SNF8: variants seen among roughly 807,000 people sequenced by gnomAD.
The protein encoded by SNF8 is vacuolar-sorting protein SNF8.
A neutral mutation model predicts 36.8 loss-of-function variants in SNF8; 19 were observed. That is an observed-to-expected ratio of 0.52 (90% CI 0.36 to 0.76). The LOEUF is 0.76. Among genes scored for constraint, SNF8 ranks in the 30% least tolerant of loss-of-function variants. The probability of loss-of-function intolerance (pLI) is 0.00; values close to 1 mark genes in which losing one functional copy is unlikely to be tolerated. For synonymous variants in SNF8, 127 were observed against 127.4 expected, an observed-to-expected ratio of 1.00 and a Z score of 0.02; for missense variants, 268 against 322.9, an observed-to-expected ratio of 0.83 and a Z score of 1.30.
At chr17:48,941,378 A>G (rs1388894407) in intron 2 of SNF8, among the ~76,000 whole-genome samples, 2 of 152,194 alleles carry the variant, frequency 1.3e-5, no homozygotes, top group African/African-American at 4.8e-5. Context: ...AAAAAAGAAA[A>G]AGGTATATAT....
At position 48,930,036 on chromosome 17, in the gene SNF8, A is replaced by G. The variant is rs1026296781; in HGVS notation, c.*439T>C. ...CTCTGTCATAACCTAGAGCCTCTAC[A>G]GAGGAAGCCAGAAGAGACTGAAAGT... On this transcript the variant is annotated 3_prime_UTR_variant, in exon 8 of 8. Transcript: ENST00000502492. The G allele has an allele frequency of 1.3e-5, 2 of 152,646 alleles. No individual in the cohort carries two copies. Among genetic ancestry groups the G allele is most frequent in the African/African-American group, 4.8e-5 (2 of 41,474 alleles). The allele number at this position is 152,646 out of a possible 1,614,324, so 9.5% of individuals were successfully genotyped here.
intron 3 of SNF8, among the ~76,000 whole-genome samples, chr17:48,939,814 T>C (rs62075852): frequency 0.41 from 62,453 of 151,730 alleles, 15,391 homozygotes; most frequent in East Asian, 0.71. Context: ...GTGGCTCACA[T>C]CTATAATCCC....
chr17:48,943,910 C>T lies in SNF8; in HGVS notation c.105+15G>A. ...TAGGTCTCCCTCCCTGCCTGGGGCC[C>T]CCCAACCGACTTACCTGGGCTAGCT... On this transcript the variant is annotated intron_variant, in intron 2 of 7. Transcript: ENST00000502492. 6.2e-7 allele frequency: 1 copy of T among 1,613,838 alleles called. No homozygotes were observed. The highest frequency in any genetic ancestry group is 8.5e-7 in the Non-Finnish European group (1 of 1,179,724).
chr17:48,940,831 G>A (rs934531877), intron 3 of SNF8, 93 bp downstream of exon 3: 7 of 1,437,306 alleles, frequency 4.9e-6, no homozygotes, highest in Non-Finnish European at 4.8e-6. Context: ...GGCCTTTCTA[G>A]TGGATGCCCC....
chr17:48,942,736 T>C (rs2041047569), intron 2 of SNF8, among the ~76,000 whole-genome samples: 1 of 151,902 alleles, frequency 6.6e-6, no homozygotes, highest in African/African-American at 2.4e-5. Flanking sequence ...CTCTACCACT[T>C]ACTACCCATA....
intron 6 of SNF8, 106 bp downstream of exon 6, chr17:48,933,099 T>C: frequency 8.0e-7 from 1 of 1,253,484 alleles, no homozygotes; most frequent in Non-Finnish European, 1.1e-6. Context: ...CACTGGATAG[T>C]CTCAGCAAAA....
At chr17:48,936,888 G>A in intron 4 of SNF8, 132 bp downstream of exon 4, 1 of 718,120 alleles carries the variant, frequency 1.4e-6, no homozygotes. Flanking sequence ...GGATTCAACT[G>A]CATGAAACAG....
chr17:48,942,391 T>C (rs1446207791), intron 2 of SNF8, among the ~76,000 whole-genome samples: 1 of 151,944 alleles, frequency 6.6e-6, no homozygotes, highest in East Asian at 1.9e-4. Context: ...TTTCAGTTGA[T>C]TCCTGCATGC....
At chr17:48,942,537 C>T (rs4793998) in intron 2 of SNF8, among the ~76,000 whole-genome samples, 62,627 of 151,778 alleles carry the variant, frequency 0.41, 15,391 homozygotes, top group East Asian at 0.71. Flanking sequence ...AAACTCGGAG[C>T]ACGTACAGAG....
intron 2 of SNF8, among the ~76,000 whole-genome samples, chr17:48,942,417 T>A (rs2041043789): frequency 6.6e-6 from 1 of 151,952 alleles, no homozygotes; most frequent in Non-Finnish European, 1.5e-5. Context: ...CCCCTGTGAG[T>A]GGGTGCTTTT....
chr17:48,931,576 T>G, intron 7 of SNF8, 67 bp downstream of exon 7: 1 of 1,309,432 alleles, frequency 7.6e-7, no homozygotes, highest in African/African-American at 1.5e-5. Context: ...GTTCCTGCAT[T>G]TGTGGAACCC....
chr17:48,933,427 T>C (rs894781182), intron 5 of SNF8, 81 bp from the exon 6 acceptor site: 79 of 1,498,688 alleles, frequency 5.3e-5, no homozygotes, highest in Non-Finnish European at 6.4e-5. Flanking sequence ...CTGGGCAGGA[T>C]ACTGACAGAA....
chr17:48,930,629 A>G lies in SNF8; in HGVS notation c.640-17T>C. The G allele has an allele frequency of 6.2e-7, 1 of 1,611,262 alleles. No homozygotes were observed. Among genetic ancestry groups the G allele is most frequent in the Non-Finnish European group, 8.5e-7 (1 of 1,178,410 alleles). On this transcript the variant is annotated splice_polypyrimidine_tract_variant and intron_variant, in intron 7 of 7. Transcript: ENST00000502492. The stretch of plus-strand genomic sequence containing the variant: ...CAGGTGTTCCTGGAGGGAAAAGGGA[A>G]GAAGAGCAGTTTGAGAACAGGGAGG...
Position 48,940,937 on chromosome 17 carries a change from C to A in SNF8, c.231G>T (p.Val77=). Residue 77 remains valine, a synonymous_variant, in exon 3 of 8, where the codon GTG becomes GTT. Coordinates refer to ENST00000502492, the MANE Select transcript of SNF8 (RefSeq NM_007241.4). The part of the protein sequence containing the change: ...QFQDMCATIG[V]DPLASGKGFW... ...ACAACTTCTTACAGGCCAGCGGATCCACGCCAATGGTTGCACACATGTCCT... is the reference window on the plus strand; with the variant it reads ...ACAACTTCTTACAGGCCAGCGGATCAACGCCAATGGTTGCACACATGTCCT... 1 of 1,612,252 alleles carries A rather than the reference C, an allele frequency of 6.2e-7. No homozygotes were observed. Among genetic ancestry groups the A allele is most frequent in the South Asian group, 1.1e-5 (1 of 91,000 alleles).
chr17:48,941,964 TAC>T (rs1334787612), intron 2 of SNF8, among the ~76,000 whole-genome samples: 1 of 152,036 alleles, frequency 6.6e-6, no homozygotes, highest in Admixed American at 6.6e-5. Flanking sequence ...GTGCTGGGAT[TAC>T]AGATGTGAGC....
chr17:48,931,926 CTG>C (rs1160662479), intron 6 of SNF8: 43 of 450,830 alleles, frequency 9.5e-5, no homozygotes, highest in Admixed American at 3.3e-4. Flanking sequence ...AATCCTAAAA[CTG>C]GGGTACCGGC....
intron 2 of SNF8, among the ~76,000 whole-genome samples, chr17:48,942,067 G>A (rs1032620607): frequency 6.6e-6 from 1 of 152,084 alleles, no homozygotes; most frequent in Non-Finnish European, 1.5e-5. Context: ...ATCAACTCCA[G>A]ATAAAGAACT....
chr17:48,937,145 ATC>A, intron 3 of SNF8, 21 bp from the exon 4 acceptor site: 1 of 1,541,722 alleles, frequency 6.5e-7, no homozygotes, highest in Non-Finnish European at 9.0e-7. Flanking sequence ...GAAAAACAAA[ATC>A]TCGGTTATTG....
At chr17:48,938,986 C>A (rs1409655133) in intron 3 of SNF8, among the ~76,000 whole-genome samples, 1 of 151,916 alleles carries the variant, frequency 6.6e-6, no homozygotes, top group Non-Finnish European at 1.5e-5. Flanking sequence ...TAGCCGGGCG[C>A]GGTAGCTCAC....
Sources: allele counts gnomAD v4.1 joint callset (sites outside exome capture counted in the v4.1 genomes callset), GRCh38; gene constraint gnomAD v4.1.1; transcripts MANE v1.5; gene names NCBI Gene and HGNC (gene_info 2026-07-23, HGNC 2026-07-21).